Variants in ASPH observed in about 807,000 individuals in gnomAD.
The protein encoded by ASPH is aspartyl/asparaginyl beta-hydroxylase.
Under a neutral mutation model 118.4 loss-of-function variants are expected in ASPH, and 100 were observed. The ratio of observed to expected loss-of-function variants is 0.84; its 90% CI spans 0.72 to 1.00. The LOEUF (loss-of-function observed/expected upper bound fraction) is 1.00. Among genes scored for constraint, ASPH ranks in the 50% least tolerant of loss-of-function variants. ASPH has a pLI of 0.00. For missense variants in ASPH, 920 were observed against 919.5 expected (o/e 1.00, Z -0.01); for synonymous variants, 315 against 325.6 (o/e 0.97, Z 0.35).
intron 1 of ASPH, among the ~76,000 whole-genome samples, chr8:61,693,378 T>G (rs937398890): frequency 3.9e-5 from 6 of 152,226 alleles, no homozygotes; most frequent in African/African-American, 1.4e-4. Context: ...AGGCTCTGCT[T>G]TTTTGGCTCC....
At chr8:61,534,178 C>T (rs1586678449) in intron 21 of ASPH, among the ~76,000 whole-genome samples, 1 of 152,148 alleles carries the variant, frequency 6.6e-6, no homozygotes, top group Admixed American at 6.5e-5. Context: ...AATGCCCTAC[C>T]TCAGGTGATC....
intron 3 of ASPH, among the ~76,000 whole-genome samples, chr8:61,677,040 G>C (rs1678373921): frequency 6.6e-6 from 1 of 152,098 alleles, no homozygotes; most frequent in South Asian, 2.1e-4. Flanking sequence ...CCAATGACAA[G>C]AGTCAGCTAT....
chr8:61,516,675 G>T (rs1446387730), intron 24 of ASPH, among the ~76,000 whole-genome samples: 1 of 152,164 alleles, frequency 6.6e-6, no homozygotes, highest in African/African-American at 2.4e-5. Flanking sequence ...TATATACTCT[G>T]AGAGGTTCTA....
intron 14 of ASPH, among the ~76,000 whole-genome samples, chr8:61,617,361 T>C (rs1369131095): frequency 6.6e-6 from 1 of 152,132 alleles, no homozygotes; most frequent in Non-Finnish European, 1.5e-5. Context: ...AAGGGAGTGT[T>C]TGAAGGACAG....
intron 20 of ASPH, among the ~76,000 whole-genome samples, chr8:61,550,982 T>G (rs1332107899): frequency 6.6e-6 from 1 of 152,050 alleles, no homozygotes; most frequent in Non-Finnish European, 1.5e-5. Flanking sequence ...GGGAATATCA[T>G]TGAATGAGAG....
chr8:61,569,026 AG>A (rs1181742716), intron 16 of ASPH, among the ~76,000 whole-genome samples: 1 of 152,186 alleles, frequency 6.6e-6, no homozygotes, highest in Non-Finnish European at 1.5e-5. Context: ...CAAAAATTAG[AG>A]GGATGTCCTT....
At chr8:61,640,205 CAGAG>C (rs1400297712) in intron 10 of ASPH, among the ~76,000 whole-genome samples, 2 of 152,168 alleles carry the variant, frequency 1.3e-5, no homozygotes, top group African/African-American at 4.8e-5. Flanking sequence ...TTCCTTCAGA[CAGAG>C]AGAGATGTGA....
chr8:61,684,224 A>G (rs1166957804), intron 1 of ASPH, 36 bp from the exon 2 acceptor site: 1 of 1,577,570 alleles, frequency 6.3e-7, no homozygotes, highest in African/African-American at 1.4e-5. Context: ...CATAAGAAGA[A>G]AACATTTTAC....
chr8:61,515,689 T>G (rs1476647625), intron 24 of ASPH, among the ~76,000 whole-genome samples: 2 of 152,152 alleles, frequency 1.3e-5, no homozygotes, highest in Non-Finnish European at 2.9e-5. Context: ...AAGCACTAAA[T>G]TCATCTTCCT....
At chr8:61,705,125 T>G (rs1836267824) in intron 1 of ASPH, among the ~76,000 whole-genome samples, 1 of 152,154 alleles carries the variant, frequency 6.6e-6, no homozygotes, top group Non-Finnish European at 1.5e-5. Flanking sequence ...GAGGCCACTA[T>G]CCTAAGCAAA....
At chr8:61,555,883 G>A in intron 19 of ASPH, 41 bp downstream of exon 19, 1 of 1,553,050 alleles carries the variant, frequency 6.4e-7, no homozygotes, top group Non-Finnish European at 8.9e-7. Flanking sequence ...TAACTCGAAG[G>A]ACTTGAAAGA....
In ASPH at chr8:61,644,594, T is replaced by C; in HGVS notation, c.652+6A>G. 6.3e-7 allele frequency: 1 copy of C among 1,576,372 alleles called. No homozygotes were observed. Among genetic ancestry groups the C allele is most frequent in the Non-Finnish European group, 8.6e-7 (1 of 1,162,320 alleles). ...AATTAAGAACAGAATTAAATTAAAATCTCACCTGTCTCTTCCACGTGGTAA... is the reference window on the plus strand; with the variant it reads ...AATTAAGAACAGAATTAAATTAAAACCTCACCTGTCTCTTCCACGTGGTAA... On this transcript the variant is annotated splice_donor_region_variant and intron_variant, in intron 7 of 24. Transcript: ENST00000379454.
chr8:61,705,406 TA>T (rs1197745123), intron 1 of ASPH, among the ~76,000 whole-genome samples: 1 of 151,656 alleles, frequency 6.6e-6, no homozygotes. Context: ...AATAAAAGCT[TA>T]AAAAAAATTG....
intron 22 of ASPH, among the ~76,000 whole-genome samples, chr8:61,520,547 T>C (rs537075095): frequency 1.3e-5 from 2 of 152,236 alleles, no homozygotes; most frequent in African/African-American, 4.8e-5. Flanking sequence ...TGGCTCTTAA[T>C]TGAATAAAAT....
chr8:61,684,268 A>C, intron 1 of ASPH, 80 bp from the exon 2 acceptor site: 4 of 1,436,240 alleles, frequency 2.8e-6, no homozygotes, highest in African/African-American at 2.8e-5. Context: ...TTCTCCAATA[A>C]TTTGGGATTA....
At chr8:61,591,660 A>G (rs573218849) in intron 14 of ASPH, among the ~76,000 whole-genome samples, 2 of 152,298 alleles carry the variant, frequency 1.3e-5, no homozygotes, top group African/African-American at 4.8e-5. Flanking sequence ...TTCTGTGCTG[A>G]TAATAACAGC....
At chr8:61,652,750 T>G (rs538176530) in intron 4 of ASPH, among the ~76,000 whole-genome samples, 2 of 152,292 alleles carry the variant, frequency 1.3e-5, no homozygotes, top group Admixed American at 1.3e-4. Flanking sequence ...AGCTATGGTA[T>G]GATCATAGCA....
chr8:61,666,551 A>G (rs544277607), intron 3 of ASPH, among the ~76,000 whole-genome samples: 1 of 152,320 alleles, frequency 6.6e-6, no homozygotes, highest in South Asian at 2.1e-4. Flanking sequence ...TTGCCCATCA[A>G]AATCACATAA....
chr8:61,517,736 C>A (rs1811430325), intron 23 of ASPH, 75 bp from the exon 24 acceptor site: 1 of 1,514,618 alleles, frequency 6.6e-7, no homozygotes, highest in Admixed American at 1.9e-5. Context: ...GGTGACAGTA[C>A]AAAATTACTG....
Sources: allele counts gnomAD v4.1 joint callset (sites outside exome capture counted in the v4.1 genomes callset), GRCh38; gene constraint gnomAD v4.1.1; transcripts MANE v1.5; gene names NCBI Gene and HGNC (gene_info 2026-07-23, HGNC 2026-07-21).